TENM4: variants seen among roughly 807,000 people sequenced by gnomAD.
The protein encoded by TENM4 is teneurin transmembrane protein 4, also known as teneurin-4.
A neutral mutation model predicts 243.3 loss-of-function variants in TENM4; 82 were observed. The observed-to-expected ratio is 0.34, with a 90% confidence interval of 0.28 to 0.40. The LOEUF (loss-of-function observed/expected upper bound fraction) is 0.40, where lower values mean the gene tolerates loss of function less well. TENM4 is among the 10% of genes least tolerant of loss of function. The pLI is 1.00. For missense variants in TENM4, 3,138 were observed against 3,673.3 expected, an observed-to-expected ratio of 0.85 and a Z score of 3.77; for synonymous variants, 1,412 against 1,456.3, an observed-to-expected ratio of 0.97 and a Z score of 0.69.
At chr11:79,150,608 T>C (rs573886933) in intron 3 of TENM4, among the ~76,000 whole-genome samples, 3 of 152,144 alleles carry the variant, frequency 2.0e-5, no homozygotes. Flanking sequence ...AGGGATGTTG[T>C]CACTGCATAT....
chr11:79,072,129 C>T (rs1860430033), intron 4 of TENM4, among the ~76,000 whole-genome samples: 1 of 152,108 alleles, frequency 6.6e-6, no homozygotes, highest in Non-Finnish European at 1.5e-5. Context: ...AAGGGAAGAT[C>T]AGTGATAGTA....
At chr11:78,858,112 C>G (rs1858720821) in intron 10 of TENM4, among the ~76,000 whole-genome samples, 1 of 152,176 alleles carries the variant, frequency 6.6e-6, no homozygotes. Context: ...TACTGGAAAA[C>G]TGCTCCCCCA....
At chr11:79,218,895 A>T (rs1864108012) in intron 2 of TENM4, among the ~76,000 whole-genome samples, 1 of 152,220 alleles carries the variant, frequency 6.6e-6, no homozygotes, top group South Asian at 2.1e-4. Flanking sequence ...ATTCATTCAC[A>T]TATTCACTCA....
At chr11:79,061,436 G>A (rs1297009862) in intron 6 of TENM4, among the ~76,000 whole-genome samples, 1 of 152,140 alleles carries the variant, frequency 6.6e-6, no homozygotes, top group African/African-American at 2.4e-5. Context: ...TTTGAGTTCT[G>A]TGGCCAGTGG....
intron 6 of TENM4, among the ~76,000 whole-genome samples, chr11:78,916,404 C>T (rs1856318195): frequency 6.6e-6 from 1 of 152,146 alleles, no homozygotes; most frequent in Non-Finnish European, 1.5e-5. Context: ...ATAGGGTCTC[C>T]AAGGGCAGAA....
chr11:78,812,108 C>A lies in TENM4; in HGVS notation c.1978+14G>T, dbSNP rs1021356679. The A allele has an allele frequency of 5.2e-6, 8 of 1,545,984 alleles. No homozygotes were observed. Among genetic ancestry groups the A allele is most frequent in the Non-Finnish European group, 6.1e-6 (7 of 1,143,426 alleles). Reference sequence around the variant, plus strand: ...TCAGAGGAAGGTGCCGGAGCTGCCACCTGCAACTCTTACCTTCCTCACAGC... The same window carrying A: ...TCAGAGGAAGGTGCCGGAGCTGCCAACTGCAACTCTTACCTTCCTCACAGC... On this transcript the variant is annotated intron_variant, in intron 14 of 33. Coordinates refer to ENST00000278550, the MANE Select transcript of TENM4 (RefSeq NM_001098816.3).
At chr11:79,060,949 A>G (rs1053418444) in intron 6 of TENM4, among the ~76,000 whole-genome samples, 3 of 152,256 alleles carry the variant, frequency 2.0e-5, no homozygotes, top group Middle Eastern at 3.4e-3. Context: ...CAAGAAAAGG[A>G]GAGGTCTGGC....
chr11:78,955,260 G>T (rs1437641891), intron 6 of TENM4, among the ~76,000 whole-genome samples: 1 of 152,198 alleles, frequency 6.6e-6, no homozygotes, highest in African/African-American at 2.4e-5. Context: ...CTTTTCTGTG[G>T]ATCCAGTGAG....
chr11:79,422,481 C>T (rs960720725), intron 1 of TENM4, among the ~76,000 whole-genome samples: 3 of 151,972 alleles, frequency 2.0e-5, no homozygotes, highest in African/African-American at 7.3e-5. Context: ...TAATATGGGG[C>T]CCCTAATTCA....
At chr11:78,945,553 G>A (rs1460806227) in intron 6 of TENM4, among the ~76,000 whole-genome samples, 1 of 152,204 alleles carries the variant, frequency 6.6e-6, no homozygotes, top group African/African-American at 2.4e-5. Flanking sequence ...GAAAGAAAGA[G>A]TTGTGTGCCT....
chr11:79,358,482 T>C (rs1857534230), intron 1 of TENM4, among the ~76,000 whole-genome samples: 1 of 152,150 alleles, frequency 6.6e-6, no homozygotes, highest in East Asian at 1.9e-4. Context: ...TGTCACCATG[T>C]GGGGAAAGCA....
Position 78,872,882 on chromosome 11 carries a change from A to G in TENM4, c.1085-9750T>C, listed in dbSNP as rs141997309. 2.0e-3 allele frequency among the ~76,000 whole-genome samples: 298 copies of G among 152,260 alleles called. 2 individuals carry two copies. The highest frequency in any genetic ancestry group is 6.7e-3 in the African/African-American group (278 of 41,536). On this transcript the variant is annotated intron_variant, in intron 9 of 33. Coordinates refer to ENST00000278550, the MANE Select transcript of TENM4 (RefSeq NM_001098816.3). ...GGAGGTGGTCCCCACTGTACCTCAA[A>G]TGGAGTTTTAATTTGTGTATGTATT...
intron 1 of TENM4, among the ~76,000 whole-genome samples, chr11:79,393,479 GCTT>G (rs1334758914): frequency 1.3e-5 from 2 of 152,198 alleles, no homozygotes; most frequent in Non-Finnish European, 2.9e-5. Context: ...TGTCAGAGTG[GCTT>G]CTTATAGCCT....
chr11:79,007,499 T>C (rs913172031), intron 6 of TENM4, among the ~76,000 whole-genome samples: 3 of 152,122 alleles, frequency 2.0e-5, no homozygotes, highest in African/African-American at 7.2e-5. Context: ...AGGCATCCAC[T>C]GGGGCACTGC....
intron 3 of TENM4, among the ~76,000 whole-genome samples, chr11:79,158,584 A>T (rs146612798): frequency 6.6e-6 from 1 of 152,324 alleles, no homozygotes; most frequent in Non-Finnish European, 1.5e-5. Flanking sequence ...TAGTACTCTC[A>T]TGAAGGAATG....
chr11:79,248,150 G>T (rs2135297918), intron 2 of TENM4, among the ~76,000 whole-genome samples: 1 of 152,158 alleles, frequency 6.6e-6, no homozygotes, highest in East Asian at 1.9e-4. Flanking sequence ...TGAGGCTCAG[G>T]CCCCTCAGAA....
chr11:79,397,992 T>C (rs1370266439), intron 1 of TENM4, among the ~76,000 whole-genome samples: 3 of 152,174 alleles, frequency 2.0e-5, no homozygotes, highest in African/African-American at 4.8e-5. Flanking sequence ...AAGACTATCA[T>C]TCCCAGCGAG....
At chr11:78,723,058 C>T (rs1855435341) in intron 23 of TENM4, 141 bp from the exon 24 acceptor site, 1 of 1,187,188 alleles carries the variant, frequency 8.4e-7, no homozygotes, top group Non-Finnish European at 1.2e-6. Flanking sequence ...AAGGCTTTGC[C>T]TCACCCCCCC....
Position 78,891,344 on chromosome 11 carries a change from C to T in TENM4, c.750-8G>A. ...GGCTGCTTGCCTAGGTTTCTACGCA[C>T]ACATGGAGACATGAATGAAGCAATG... On this transcript the variant is annotated splice_polypyrimidine_tract_variant and splice_region_variant and intron_variant, in intron 7 of 33. Transcript: ENST00000278550. 3 of 1,550,284 alleles carry T rather than the reference C, an allele frequency of 1.9e-6. No homozygotes were observed. Among genetic ancestry groups the T allele is most frequent in the Non-Finnish European group, 2.6e-6 (3 of 1,145,984 alleles).
Sources: gnomAD v4.1 joint callset for allele counts (sites outside exome capture counted in the v4.1 genomes callset) on GRCh38, gnomAD v4.1.1 for gene constraint, MANE v1.5 for transcripts, NCBI Gene and HGNC (gene_info 2026-07-23, HGNC 2026-07-21) for gene names.